Variants in BTBD10 observed in about 807,000 individuals in gnomAD.
BTBD10 encodes BTB/POZ domain-containing protein 10.
A neutral mutation model predicts 53.2 loss-of-function variants in BTBD10; 21 were observed. The observed-to-expected ratio is 0.39, with a 90% confidence interval of 0.28 to 0.57. The LOEUF (loss-of-function observed/expected upper bound fraction) is 0.57, where lower values mean the gene tolerates loss of function less well. BTBD10 is among the 20% of genes least tolerant of loss of function. The pLI, the probability that BTBD10 is intolerant of heterozygous loss-of-function variation, is 0.53. For missense variants in BTBD10, 360 were observed against 594.7 expected, an observed-to-expected ratio of 0.61 and a Z score of 4.10; for synonymous variants, 149 against 192.7, an observed-to-expected ratio of 0.77 and a Z score of 1.88.
chr11:13,432,216 G>A (rs1219350468), intron 2 of BTBD10, among the ~76,000 whole-genome samples: 1 of 152,056 alleles, frequency 6.6e-6, no homozygotes, highest in Non-Finnish European at 1.5e-5. Flanking sequence ...TGGAGAGAGG[G>A]TGTAACTATA....
At chr11:13,398,491 T>C (rs1949620290) in intron 8 of BTBD10, among the ~76,000 whole-genome samples, 1 of 152,244 alleles carries the variant, frequency 6.6e-6, no homozygotes, top group South Asian at 2.1e-4. Context: ...CTTGACTCTT[T>C]ATCCAATTTG....
At chr11:13,455,869 T>C (rs1356969942) in intron 1 of BTBD10, among the ~76,000 whole-genome samples, 1 of 152,218 alleles carries the variant, frequency 6.6e-6, no homozygotes, top group East Asian at 1.9e-4. Context: ...ACCTATTCAT[T>C]ATTCCCCTTA....
chr11:13,413,397 T>G (rs1230707259), intron 6 of BTBD10, 133 bp downstream of exon 6: 1 of 646,096 alleles, frequency 1.5e-6, no homozygotes, highest in Non-Finnish European at 2.3e-6. Flanking sequence ...TTAATAATCT[T>G]TGTGGTACTA....
intron 6 of BTBD10, among the ~76,000 whole-genome samples, chr11:13,408,891 A>G (rs1949882548): frequency 1.3e-5 from 2 of 152,202 alleles, no homozygotes; most frequent in Non-Finnish European, 2.9e-5. Flanking sequence ...CAACAGCCAA[A>G]AGTGATTCTT....
At chr11:13,434,319 G>T (rs1374349135) in intron 2 of BTBD10, among the ~76,000 whole-genome samples, 1 of 152,132 alleles carries the variant, frequency 6.6e-6, no homozygotes, top group African/African-American at 2.4e-5. Flanking sequence ...AATAAAAAAA[G>T]AGTGCCACCG....
chr11:13,423,913 C>T (rs1382733302), intron 2 of BTBD10, among the ~76,000 whole-genome samples: 2 of 152,108 alleles, frequency 1.3e-5, no homozygotes, highest in African/African-American at 4.8e-5. Flanking sequence ...AAAAATTCTA[C>T]TCCCACCTTC....
intron 2 of BTBD10, among the ~76,000 whole-genome samples, chr11:13,442,706 C>T (rs1227787876): frequency 6.6e-6 from 1 of 152,122 alleles, no homozygotes; most frequent in East Asian, 1.9e-4. Context: ...CTAATAGTTC[C>T]ATGCGTGGAT....
At chr11:13,394,709 A>G (rs1240218309) in intron 8 of BTBD10, among the ~76,000 whole-genome samples, 1 of 83,138 alleles carries the variant, frequency 1.2e-5, no homozygotes, top group Non-Finnish European at 2.7e-5. Flanking sequence ...CCCCAACCCC[A>G]CAACAGTCCC....
intron 2 of BTBD10, among the ~76,000 whole-genome samples, chr11:13,429,768 A>G (rs1950412552): frequency 2.6e-5 from 4 of 152,194 alleles, no homozygotes; most frequent in Admixed American, 2.6e-4. Context: ...ACTGAACTTC[A>G]TCAAAATTAA....
At chr11:13,450,673 G>A (rs940219313) in intron 1 of BTBD10, among the ~76,000 whole-genome samples, 5 of 152,298 alleles carry the variant, frequency 3.3e-5, no homozygotes, top group African/African-American at 1.2e-4. Context: ...GAAAGAGCTT[G>A]AGGGATTGCA....
intron 8 of BTBD10, among the ~76,000 whole-genome samples, chr11:13,400,565 G>T (rs1949691381): frequency 6.6e-6 from 1 of 152,018 alleles, no homozygotes; most frequent in African/African-American, 2.4e-5. Flanking sequence ...TGCACCCACT[G>T]TCCGGCACTC....
At chr11:13,395,841 A>C (rs924653475) in intron 8 of BTBD10, among the ~76,000 whole-genome samples, 81 of 152,284 alleles carry the variant, frequency 5.3e-4, no homozygotes, top group African/African-American at 1.9e-3. Flanking sequence ...CAAAGATCAG[A>C]TAGTTGTAGA....
chr11:13,443,000 A>G (rs1294449584), intron 2 of BTBD10, among the ~76,000 whole-genome samples: 3 of 152,160 alleles, frequency 2.0e-5, no homozygotes, highest in Non-Finnish European at 2.9e-5. Context: ...TTGCATTAAA[A>G]AAAAATCAAT....
chr11:13,452,226 A>G (rs772540227), intron 1 of BTBD10, among the ~76,000 whole-genome samples: 4 of 152,228 alleles, frequency 2.6e-5, no homozygotes, highest in Non-Finnish European at 4.4e-5. Flanking sequence ...GTTACATACC[A>G]TATGATTTCA....
At chr11:13,396,467 A>T (rs1949554006) in intron 8 of BTBD10, among the ~76,000 whole-genome samples, 1 of 152,208 alleles carries the variant, frequency 6.6e-6, no homozygotes, top group African/African-American at 2.4e-5. Context: ...TTCTAGATAT[A>T]CAATCATGTC....
intron 8 of BTBD10, among the ~76,000 whole-genome samples, chr11:13,395,380 T>A (rs1949518832): frequency 6.6e-6 from 1 of 152,184 alleles, no homozygotes. Flanking sequence ...GCCCACTTTT[T>A]GATGGGGTTG....
At chr11:13,452,528 A>G (rs935602205) in intron 1 of BTBD10, among the ~76,000 whole-genome samples, 1 of 152,218 alleles carries the variant, frequency 6.6e-6, no homozygotes, top group Non-Finnish European at 1.5e-5. Context: ...GCAAGGCATA[A>G]TGAAACCACT....
intron 8 of BTBD10, among the ~76,000 whole-genome samples, chr11:13,397,072 G>A (rs1188505472): frequency 1.3e-5 from 2 of 152,224 alleles, no homozygotes; most frequent in African/African-American, 4.8e-5. Flanking sequence ...AGTTAGGAAA[G>A]ATTCCATCTT....
At chr11:13,439,973 T>C (rs1950616111) in intron 2 of BTBD10, 3 of 1,534,794 alleles carry the variant, frequency 2.0e-6, no homozygotes, top group African/African-American at 1.4e-5. Flanking sequence ...TTTCAAACAA[T>C]GAAGCACTGA....
Sources: gnomAD v4.1 joint callset for allele counts (sites outside exome capture counted in the v4.1 genomes callset) on GRCh38, gnomAD v4.1.1 for gene constraint, MANE v1.5 for transcripts, NCBI Gene and HGNC (gene_info 2026-07-23, HGNC 2026-07-21) for gene names.